The following KIAA0319 variants were observed in gnomAD, a reference collection of about 807,000 sequenced individuals.
KIAA0319 encodes the protein dyslexia-associated protein KIAA0319.
Under a neutral mutation model 108.4 loss-of-function variants are expected in KIAA0319, and 83 were observed. That is an observed-to-expected ratio of 0.77 (90% CI 0.64 to 0.92). The LOEUF (loss-of-function observed/expected upper bound fraction) is 0.92. Among genes scored for constraint, KIAA0319 ranks in the 40% least tolerant of loss-of-function variants. KIAA0319 has a pLI of 0.00. For missense variants in KIAA0319, 1,195 were observed against 1,322.4 expected (o/e 0.90, Z 1.49); for synonymous variants, 484 against 510.4 (o/e 0.95, Z 0.70).
intron 3 of KIAA0319, among the ~76,000 whole-genome samples, chr6:24,593,050 C>T (rs1200154489): frequency 2.6e-5 from 4 of 152,070 alleles, no homozygotes; most frequent in African/African-American, 9.7e-5. Flanking sequence ...TGCCTCTAGT[C>T]ATTCTTGTAT....
chr6:24,579,018 T>C (rs1765956717), intron 8 of KIAA0319, among the ~76,000 whole-genome samples: 1 of 152,242 alleles, frequency 6.6e-6, no homozygotes, highest in Non-Finnish European at 1.5e-5. Context: ...GTGATCTCTG[T>C]AAATTTGCAG....
intron 1 of KIAA0319, among the ~76,000 whole-genome samples, chr6:24,610,277 G>T (rs1772103215): frequency 6.6e-6 from 1 of 152,000 alleles, no homozygotes; most frequent in Non-Finnish European, 1.5e-5. Flanking sequence ...ACAAGAACCT[G>T]AATAGACAGT....
intron 1 of KIAA0319, among the ~76,000 whole-genome samples, chr6:24,627,876 A>C (rs1004983598): frequency 5.3e-5 from 8 of 152,232 alleles, no homozygotes; most frequent in African/African-American, 1.9e-4. Flanking sequence ...TATAGTCACT[A>C]TTCAAAAATT....
rs558979689 is a variant in KIAA0319 at position 24,579,876 on chromosome 6, C to T, written c.1354G>A (p.Ala452Thr). 1.2e-6 allele frequency: 2 copies of T among 1,603,516 alleles called. No homozygotes were observed. The highest frequency in any genetic ancestry group is 1.3e-5 in the African/African-American group (1 of 74,740). ...LQELTLPLTS[A>T]LIDGSQSTDD... ...TACACACGGCTGCCATCAATGAGGG[C>T]TGACGTCAAAGGCAAAGTGAGCTCT... The change falls in exon 8 of 21, where the codon GCC becomes ACC. Residue 452 changes from alanine to threonine, a missense_variant. Ala to Thr is a moderately conservative substitution (Grantham distance 58). Coordinates refer to ENST00000378214, the MANE Select transcript of KIAA0319 (RefSeq NM_014809.4).
chr6:24,582,671 A>AG (rs1554159306), intron 5 of KIAA0319, among the ~76,000 whole-genome samples: 1 of 151,158 alleles, frequency 6.6e-6, no homozygotes, highest in African/African-American at 2.4e-5. Flanking sequence ...AAAAAAAAAA[A>AG]ACCTCCCTAA....
At chr6:24,614,197 A>T (rs561102847) in intron 1 of KIAA0319, among the ~76,000 whole-genome samples, 59 of 152,340 alleles carry the variant, frequency 3.9e-4, no homozygotes, top group Admixed American at 1.4e-3. Context: ...AGCCTTAGCA[A>T]TTCCTGACAT....
chr6:24,585,007 A>G (rs905512525), intron 4 of KIAA0319, among the ~76,000 whole-genome samples: 2 of 152,234 alleles, frequency 1.3e-5, no homozygotes, highest in Non-Finnish European at 2.9e-5. Flanking sequence ...TACAAAAGTT[A>G]GAGAGAGTAA....
intron 1 of KIAA0319, among the ~76,000 whole-genome samples, chr6:24,624,793 G>C (rs188016731): frequency 7.1e-4 from 108 of 152,296 alleles, no homozygotes; most frequent in African/African-American, 2.3e-3. Flanking sequence ...GAAGTCGGAC[G>C]TGAAGCCCTG....
rs1561912778 is a variant in KIAA0319 at position 24,553,286 on chromosome 6, TATATATATACAC to T, written c.2948+1243_2948+1254del. On this transcript the variant is annotated intron_variant, in intron 19 of 20. Coordinates refer to ENST00000378214, the MANE Select transcript of KIAA0319 (RefSeq NM_014809.4). Reference sequence around the variant, plus strand: ...TACTTGTGAGATAGATATATATATATATATATATACACACACACACACACACACACACACACA... The same window carrying T: ...TACTTGTGAGATAGATATATATATATACACACACACACACACACACACACA... Among the ~76,000 whole-genome samples the T allele has an allele frequency of 1.4e-3, 113 of 82,618 alleles. 1 individual carries two copies. Among genetic ancestry groups the T allele is most frequent in the Admixed American group, 7.3e-3 (70 of 9,538 alleles). The allele number at this position is 82,618 out of a possible 152,430, so 54.2% of individuals were successfully genotyped here.
chr6:24,617,000 A>T (rs1415745393), intron 1 of KIAA0319, among the ~76,000 whole-genome samples: 1 of 152,162 alleles, frequency 6.6e-6, no homozygotes, highest in East Asian at 1.9e-4. Context: ...AAGGACTTTA[A>T]AAATTGGGGG....
Position 24,632,373 on chromosome 6 carries a change from T to C in KIAA0319, c.-106+13363A>G, listed in dbSNP as rs192081205. ...ATATTCTAGCTGAATCGGTTGAAGCTCTGTGGCTCACCATTCAGAAGTTAA... is the reference window on the plus strand; with the variant it reads ...ATATTCTAGCTGAATCGGTTGAAGCCCTGTGGCTCACCATTCAGAAGTTAA... On this transcript the variant is annotated intron_variant, in intron 1 of 20. Transcript: ENST00000378214. 3.2e-4 allele frequency among the ~76,000 whole-genome samples: 44 copies of C among 136,886 alleles called. No individual in the cohort carries two copies. In the East Asian group the frequency reaches 9.2e-3, roughly 29 times the overall value. The allele number at this position is 136,886 out of a possible 152,430, so 89.8% of individuals were successfully genotyped here.
intron 1 of KIAA0319, among the ~76,000 whole-genome samples, chr6:24,620,269 T>C (rs930217092): frequency 6.6e-6 from 1 of 152,212 alleles, no homozygotes; most frequent in Admixed American, 6.5e-5. Flanking sequence ...TCAATTTTTA[T>C]ATATAAAAAA....
intron 20 of KIAA0319, among the ~76,000 whole-genome samples, chr6:24,549,678 C>G (rs807533): frequency 0.58 from 88,965 of 152,098 alleles, 27,984 homozygotes; most frequent in Non-Finnish European, 0.72. Flanking sequence ...ATTGCACATA[C>G]CTCGTACCGC....
chr6:24,629,131 A>G (rs1004240460), intron 1 of KIAA0319, among the ~76,000 whole-genome samples: 2 of 152,168 alleles, frequency 1.3e-5, no homozygotes, highest in Admixed American at 1.3e-4. Context: ...GAAAAACGCC[A>G]TCTACCTTAT....
intron 9 of KIAA0319, 68 bp downstream of exon 9, chr6:24,578,042 G>C: frequency 6.7e-7 from 1 of 1,485,292 alleles, no homozygotes; most frequent in South Asian, 1.4e-5. Context: ...TGTTTTATGT[G>C]CGTTAATTTA....
chr6:24,626,852 A>G (rs1255427945), intron 1 of KIAA0319, among the ~76,000 whole-genome samples: 1 of 152,202 alleles, frequency 6.6e-6, no homozygotes, highest in African/African-American at 2.4e-5. Flanking sequence ...ACTGTGCAGA[A>G]TAATGATGAA....
chr6:24,613,679 GAA>G (rs57271356), intron 1 of KIAA0319, among the ~76,000 whole-genome samples: 2 of 137,514 alleles, frequency 1.5e-5, no homozygotes. Flanking sequence ...TCATTTGAGG[GAA>G]AAAAAAAAAA....
At chr6:24,550,466 C>T (rs1761309421) in intron 20 of KIAA0319, among the ~76,000 whole-genome samples, 1 of 152,146 alleles carries the variant, frequency 6.6e-6, no homozygotes, top group Non-Finnish European at 1.5e-5. Context: ...CCTCAGAGGG[C>T]CAGAGAAGTT....
rs555731933 is a variant in KIAA0319 at position 24,641,342 on chromosome 6, G to A, written c.-106+4394C>T. On this transcript the variant is annotated intron_variant, in intron 1 of 20. Coordinates refer to ENST00000378214, the MANE Select transcript of KIAA0319 (RefSeq NM_014809.4). The stretch of plus-strand genomic sequence containing the variant: ...ACATTTAAAATTTATAACCAGGGGA[G>A]TAATGTGTTCATGTAACTGCTTTAG... Among the ~76,000 whole-genome samples, 3 of 152,318 alleles carry A rather than the reference G, an allele frequency of 2.0e-5. No individual in the cohort carries two copies. The South Asian group carries it at 6.2e-4, about 32-fold the overall frequency.
Sources: allele counts gnomAD v4.1 joint callset (sites outside exome capture counted in the v4.1 genomes callset), GRCh38; gene constraint gnomAD v4.1.1; transcripts MANE v1.5; gene names NCBI Gene and HGNC (gene_info 2026-07-23, HGNC 2026-07-21).